Variants in ANKLE2 observed in about 807,000 individuals in gnomAD.
The protein encoded by ANKLE2 is ankyrin repeat and LEM domain-containing protein 2.
ANKLE2 carries 55 observed loss-of-function variants against 84.2 expected under a neutral mutation model. The ratio of observed to expected loss-of-function variants is 0.65; its 90% CI spans 0.53 to 0.82. The LOEUF is 0.82. ANKLE2 is among the 40% of genes least tolerant of loss of function. The pLI, the probability that ANKLE2 is intolerant of heterozygous loss-of-function variation, is 0.00. For missense variants in ANKLE2, 1,238 were observed against 1,201.9 expected, an observed-to-expected ratio of 1.03 and a Z score of -0.44; for synonymous variants, 551 against 486.1, an observed-to-expected ratio of 1.13 and a Z score of -1.76.
intron 6 of ANKLE2, chr12:132,741,950 G>A: frequency 4.8e-6 from 2 of 415,036 alleles, no homozygotes; most frequent in Admixed American, 3.0e-5. Flanking sequence ...AACTTTCTCA[G>A]CCCTTGAAGA....
intron 1 of ANKLE2, 118 bp from the exon 2 acceptor site, chr12:132,755,251 CTT>C: frequency 9.4e-7 from 1 of 1,066,534 alleles, no homozygotes; most frequent in Non-Finnish European, 1.3e-6. Context: ...TCATTAAAAA[CTT>C]TTTTTCTTGG....
At position 132,761,798 on chromosome 12, in the gene ANKLE2, T is replaced by TCGCCGCCGCCCGGGC; in HGVS notation, c.-15_-1dup. 1 of 1,095,396 alleles carries TCGCCGCCGCCCGGGC rather than the reference T, an allele frequency of 9.1e-7. No individual in the cohort carries two copies. Among genetic ancestry groups the TCGCCGCCGCCCGGGC allele is most frequent in the Non-Finnish European group, 1.1e-6 (1 of 903,402 alleles). 67.9% of individuals were successfully genotyped at this position (1,095,396 alleles called of 1,614,324 possible). On this transcript the variant is annotated 5_prime_UTR_variant, in exon 1 of 13. Transcript: ENST00000357997. Reference sequence around the variant, plus strand: ...GCCGCCGCCAGCCGCGGCCACAGCATCGCCGCCGCCCGGGCCGCAGCCGCC... The same window carrying TCGCCGCCGCCCGGGC: ...GCCGCCGCCAGCCGCGGCCACAGCATCGCCGCCGCCCGGGCCGCCGCCGCCCGGGCCGCAGCCGCC...
intron 5 of ANKLE2, among the ~76,000 whole-genome samples, chr12:132,746,012 G>A (rs1334658792): frequency 4.6e-5 from 7 of 152,176 alleles, no homozygotes; most frequent in African/African-American, 7.2e-5. Context: ...TGGACAGGGC[G>A]GAGGATTTGA....
intron 4 of ANKLE2, 34 bp from the exon 5 acceptor site, chr12:132,748,054 C>G (rs754390608): frequency 6.3e-7 from 1 of 1,599,566 alleles, no homozygotes; most frequent in African/African-American, 1.3e-5. Context: ...AGCTTCCTAT[C>G]TGATGTGTGG....
chr12:132,756,589 T>C (rs2136183223), intron 1 of ANKLE2: 1 of 151,868 alleles, frequency 6.6e-6, no homozygotes, highest in African/African-American at 2.4e-5. Flanking sequence ...AATTTAAGTT[T>C]CTACAGGGTT....
chr12:132,728,103 G>A lies in ANKLE2; in HGVS notation c.2544C>T (p.Asp848=), dbSNP rs978278092. 4 of 1,612,886 alleles carry A rather than the reference G, an allele frequency of 2.5e-6. No individual in the cohort carries two copies. Among genetic ancestry groups the A allele is most frequent in the Non-Finnish European group, 3.4e-6 (4 of 1,179,950 alleles). ...VLAALECADV[D]PHQFPAVHRW... Reference sequence around the variant, plus strand: ...TGTGCACGGCCGGGAACTGATGGGGGTCGACGTCTGCACATTCAAGAGCGG... The same window carrying A: ...TGTGCACGGCCGGGAACTGATGGGGATCGACGTCTGCACATTCAAGAGCGG... Residue 848 remains aspartate, a synonymous_variant, in exon 12 of 13, where the codon GAC becomes GAT. Transcript: ENST00000357997.
At chr12:132,747,682 T>G in intron 5 of ANKLE2, 150 bp downstream of exon 5, 1 of 989,900 alleles carries the variant, frequency 1.0e-6, no homozygotes, top group South Asian at 1.9e-5. Flanking sequence ...CAGTGGGATG[T>G]GGTAAGAAGG....
chr12:132,741,806 A>G (rs2044129002), intron 6 of ANKLE2: 3 of 496,914 alleles, frequency 6.0e-6, no homozygotes, highest in Non-Finnish European at 1.2e-5. Flanking sequence ...ACATGTTTCT[A>G]ACCTTCTTGG....
intron 10 of ANKLE2, among the ~76,000 whole-genome samples, chr12:132,732,597 CGT>C (rs1335620879): frequency 8.0e-6 from 1 of 124,782 alleles, no homozygotes; most frequent in Non-Finnish European, 1.7e-5. Flanking sequence ...TGATACGCAC[CGT>C]GTGAAGCTCT....
intron 7 of ANKLE2, among the ~76,000 whole-genome samples, chr12:132,739,212 G>A (rs895809512): frequency 6.6e-6 from 1 of 152,094 alleles, no homozygotes; most frequent in Non-Finnish European, 1.5e-5. Flanking sequence ...TGACATGCAG[G>A]TTACCTATAT....
chr12:132,759,490 G>C (rs2044568472), intron 1 of ANKLE2: 1 of 125,514 alleles, frequency 8.0e-6, no homozygotes, highest in Non-Finnish European at 1.5e-5. Flanking sequence ...ACGAGGCCCA[G>C]TTTCTCTAAA....
In ANKLE2 at chr12:132,734,488, C is replaced by T. The variant is rs1223936731; in HGVS notation, c.1788G>A (p.Leu596=). Residue 596 remains leucine, a synonymous_variant, in exon 10 of 13, where the codon CTG becomes CTA. Transcript: ENST00000357997. ...CFVDLSSQEG[L]QRLEEYLTQQ... ...GTGTGAGATATTCTTCTAGTCTTTG[C>T]AGGCCTTCCTGGGAAGACAGATCAA... 22 of 1,614,136 alleles carry T rather than the reference C, an allele frequency of 1.4e-5. No individual in the cohort carries two copies. The highest frequency in any genetic ancestry group is 1.7e-5 in the Non-Finnish European group (20 of 1,180,024).
chr12:132,749,452 G>A (rs956062983), intron 3 of ANKLE2, among the ~76,000 whole-genome samples: 2 of 152,296 alleles, frequency 1.3e-5, no homozygotes, highest in Middle Eastern at 3.4e-3. Flanking sequence ...CACCTCGCCC[G>A]GCCTGATTTC....
chr12:132,729,719 C>A lies in ANKLE2; in HGVS notation c.2443G>T (p.Glu815Ter). ...PSSPRHEDQLEVTREPARRLF... is the reference protein window; with the variant it reads ...PSSPRHEDQL Reference sequence around the variant, plus strand: ...CGCCTGGCCGGTTCCCTGGTGACCTCGAGCTGATCCTCGTGCCTGGGGCTG... The same window carrying A: ...CGCCTGGCCGGTTCCCTGGTGACCTAGAGCTGATCCTCGTGCCTGGGGCTG... Residue 815 changes from glutamate (E) to a stop codon, truncating the protein, a stop_gained, in exon 11 of 13, where the codon GAG becomes TAG. Coordinates refer to ENST00000357997, the MANE Select transcript of ANKLE2 (RefSeq NM_015114.3). LOFTEE classifies it high-confidence loss of function. 6.2e-7 allele frequency: 1 copy of A among 1,609,624 alleles called. No homozygotes were observed. Among genetic ancestry groups the A allele is most frequent in the Non-Finnish European group, 8.5e-7 (1 of 1,179,010 alleles).
chr12:132,726,884 T>C lies in ANKLE2; in HGVS notation c.*358A>G, dbSNP rs991587784. The C allele has an allele frequency of 9.8e-6, 2 of 204,516 alleles. No homozygotes were observed. The highest frequency in any genetic ancestry group is 4.6e-5 in the African/African-American group (2 of 43,304). 12.7% of individuals were successfully genotyped at this position (204,516 alleles called of 1,614,324 possible). A position where few individuals can be genotyped will look rare whatever the true frequency, so the allele number is the denominator to read the frequency against. On this transcript the variant is annotated 3_prime_UTR_variant, in exon 13 of 13. Coordinates refer to ENST00000357997, the MANE Select transcript of ANKLE2 (RefSeq NM_015114.3). ...GCCAAGCCCCTCCTCATCCACAGCG[T>C]CTGTCGGATGAGGTGAGTACAGGGT...
intron 8 of ANKLE2, 44 bp from the exon 9 acceptor site, chr12:132,735,556 C>A (rs1377945020): frequency 6.5e-7 from 1 of 1,532,058 alleles, no homozygotes; most frequent in South Asian, 1.2e-5. Flanking sequence ...AGGCACTGCG[C>A]CCCTCAGCTG....
intron 5 of ANKLE2, among the ~76,000 whole-genome samples, chr12:132,747,305 C>A (rs967081065): frequency 2.7e-5 from 4 of 150,246 alleles, no homozygotes; most frequent in Non-Finnish European, 5.9e-5. Context: ...CACAGCCCTG[C>A]GTGTCAGGCA....
At position 132,743,028 on chromosome 12, in the gene ANKLE2, C is replaced by T. The variant is rs1455271171; in HGVS notation, c.1353+126G>A. On this transcript the variant is annotated intron_variant, in intron 6 of 12. Coordinates refer to ENST00000357997, the MANE Select transcript of ANKLE2 (RefSeq NM_015114.3). The surrounding 1 kb of genome is among the most constrained non-coding windows in gnomAD (Gnocchi z 4.1). ...TCAACAGCCAAGGTTCTAACATGTG[C>T]CCATAAAGCAAACACAACTCATACA... is the stretch of plus-strand genomic sequence containing the variant. The T allele has an allele frequency of 2.5e-6, 2 of 812,252 alleles. No homozygotes were observed. The highest frequency in any genetic ancestry group is 1.8e-5 in the African/African-American group (1 of 56,060). The allele number at this position is 812,252 out of a possible 1,614,324, so 50.3% of individuals were successfully genotyped here.
intron 11 of ANKLE2, among the ~76,000 whole-genome samples, chr12:132,729,036 C>T (rs993264674): frequency 5.3e-5 from 8 of 151,998 alleles, no homozygotes; most frequent in South Asian, 4.2e-4. Flanking sequence ...AGGAACTGAA[C>T]GCACACGGCA....
Sources: allele counts gnomAD v4.1 joint callset (sites outside exome capture counted in the v4.1 genomes callset), GRCh38; gene constraint gnomAD v4.1.1; non-coding constraint Gnocchi (gnomAD v3.1); transcripts MANE v1.5; gene names NCBI Gene and HGNC (gene_info 2026-07-23, HGNC 2026-07-21).